Variants in SLC39A11 observed in about 807,000 individuals in gnomAD.
The protein encoded by SLC39A11 is solute carrier family 39 member 11.
In SLC39A11, 33 loss-of-function variants were observed where a neutral mutation model predicts 36.1. The ratio of observed to expected loss-of-function variants is 0.91; its 90% CI spans 0.69 to 1.22. The LOEUF (loss-of-function observed/expected upper bound fraction) is 1.22, where lower values mean the gene tolerates loss of function less well. Among genes scored for constraint, SLC39A11 ranks in the 50% most tolerant of loss-of-function variants. The probability of loss-of-function intolerance (pLI) is 0.00; values close to 1 mark genes in which losing one functional copy is unlikely to be tolerated. For missense variants in SLC39A11, 432 were observed against 430.3 expected (o/e 1.00, Z -0.03); for synonymous variants, 166 against 170.3 (o/e 0.97, Z 0.20).
chr17:73,009,729 C>T (rs1028944479), intron 4 of SLC39A11, among the ~76,000 whole-genome samples: 1 of 152,116 alleles, frequency 6.6e-6, no homozygotes, highest in African/African-American at 2.4e-5. Flanking sequence ...TGAATTTCAT[C>T]TCAATACAAC....
chr17:72,710,122 G>A (rs950155250), intron 7 of SLC39A11, among the ~76,000 whole-genome samples: 1 of 152,080 alleles, frequency 6.6e-6, no homozygotes, highest in African/African-American at 2.4e-5. Context: ...TGCTTACAGG[G>A]AGAATATATC....
At chr17:72,952,463 G>A (rs550299039) in intron 4 of SLC39A11, among the ~76,000 whole-genome samples, 268 of 152,180 alleles carry the variant, frequency 1.8e-3, no homozygotes, top group Admixed American at 5.0e-3. Flanking sequence ...GACATGCCCC[G>A]CATATCCCCC....
intron 6 of SLC39A11, among the ~76,000 whole-genome samples, chr17:72,761,524 C>T (rs888617506): frequency 1.3e-5 from 2 of 152,148 alleles, no homozygotes; most frequent in Non-Finnish European, 2.9e-5. Context: ...TGAGAACTTG[C>T]TATTTTTTAG....
chr17:72,992,173 G>A (rs1033859257), intron 4 of SLC39A11, among the ~76,000 whole-genome samples: 21 of 152,066 alleles, frequency 1.4e-4, no homozygotes, highest in African/African-American at 4.1e-4. Flanking sequence ...CCAACATAGT[G>A]AAACCCCATC....
chr17:72,861,686 T>TATAA (rs1304206334), intron 5 of SLC39A11, among the ~76,000 whole-genome samples: 3 of 112,618 alleles, frequency 2.7e-5, no homozygotes, highest in African/African-American at 9.9e-5. Context: ...TATATATATA[T>TATAA]ATAAAATATA....
chr17:72,666,944 C>A (rs1414980507), intron 7 of SLC39A11, among the ~76,000 whole-genome samples: 1 of 152,108 alleles, frequency 6.6e-6, no homozygotes, highest in South Asian at 2.1e-4. Context: ...GCAGGGAGAG[C>A]GAGAGGCATG....
At chr17:73,026,173 G>GAA (rs1366077387) in intron 4 of SLC39A11, among the ~76,000 whole-genome samples, 206 of 109,732 alleles carry the variant, frequency 1.9e-3, no homozygotes, top group African/African-American at 6.5e-3. Context: ...GAAGAGAGGA[G>GAA]AGGAGAAAGA....
At chr17:72,818,347 T>G (rs2077652857) in intron 6 of SLC39A11, among the ~76,000 whole-genome samples, 1 of 152,176 alleles carries the variant, frequency 6.6e-6, no homozygotes, top group African/African-American at 2.4e-5. Context: ...ATCTTGTAGC[T>G]CCTTGGACAC....
chr17:72,906,686 G>A (rs2082672272), intron 5 of SLC39A11, among the ~76,000 whole-genome samples: 1 of 152,180 alleles, frequency 6.6e-6, no homozygotes, highest in South Asian at 2.1e-4. Flanking sequence ...GGACAAATCA[G>A]CATAACATCC....
At chr17:73,048,341 T>C (rs1168711126) in intron 3 of SLC39A11, among the ~76,000 whole-genome samples, 2 of 152,166 alleles carry the variant, frequency 1.3e-5, no homozygotes, top group Non-Finnish European at 2.9e-5. Context: ...TCCAGCTCCA[T>C]CCATGTTGCT....
At chr17:72,821,503 C>A (rs2077778274) in intron 6 of SLC39A11, 1 of 42,066 alleles carries the variant, frequency 2.4e-5, no homozygotes, top group Non-Finnish European at 4.1e-5. Flanking sequence ...GAGACTCTGT[C>A]ACGAAAAAAA....
At chr17:73,015,489 A>T (rs978939144) in intron 4 of SLC39A11, among the ~76,000 whole-genome samples, 1 of 152,186 alleles carries the variant, frequency 6.6e-6, no homozygotes, top group Admixed American at 6.5e-5. Context: ...GAGTATTTCA[A>T]TGTACCCTGT....
At chr17:72,655,517 C>G (rs964788257) in intron 7 of SLC39A11, among the ~76,000 whole-genome samples, 1 of 152,186 alleles carries the variant, frequency 6.6e-6, no homozygotes, top group African/African-American at 2.4e-5. Flanking sequence ...TAAGAGTGTG[C>G]GAGGGCGTTG....
At chr17:72,658,793 A>G (rs1371080173) in intron 7 of SLC39A11, among the ~76,000 whole-genome samples, 1 of 151,286 alleles carries the variant, frequency 6.6e-6, no homozygotes, top group Non-Finnish European at 1.5e-5. Context: ...TGGGCATAAA[A>G]CTCCCCCACC....
intron 7 of SLC39A11, among the ~76,000 whole-genome samples, chr17:72,695,153 C>A (rs2072233389): frequency 6.6e-6 from 1 of 152,148 alleles, no homozygotes; most frequent in Non-Finnish European, 1.5e-5. Flanking sequence ...TTACTCTGAC[C>A]TCATCTCCCA....
chr17:73,048,161 G>A (rs1286315907), intron 3 of SLC39A11, among the ~76,000 whole-genome samples: 3 of 151,486 alleles, frequency 2.0e-5, no homozygotes, highest in Admixed American at 6.6e-5. Context: ...GCACCCAATA[G>A]TACTTTTCCA....
At chr17:72,732,143 A>G (rs1170566997) in intron 7 of SLC39A11, among the ~76,000 whole-genome samples, 2 of 137,042 alleles carry the variant, frequency 1.5e-5, no homozygotes, top group African/African-American at 5.6e-5. Flanking sequence ...CAGCCTCCCA[A>G]GTAGCTGGGA....
chr17:72,947,465 CCAT>C, intron 5 of SLC39A11: 1 of 468,458 alleles, frequency 2.1e-6, no homozygotes, highest in Non-Finnish European at 3.9e-6. Context: ...AGCCCCATCA[CCAT>C]CAGAGTGACC....
In SLC39A11 at chr17:72,661,279, G is replaced by A. The variant is rs112588403; in HGVS notation, c.672-12011C>T. Among the ~76,000 whole-genome samples the A allele has an allele frequency of 4.6e-3, 697 of 152,292 alleles. 10 individuals are homozygous for A. The highest frequency in any genetic ancestry group is 0.015 in the African/African-American group (638 of 41,552). On this transcript the variant is annotated intron_variant, in intron 7 of 9. Transcript: ENST00000255559. ...TGCAGTGGGACACTCCTGCTTGAGC[G>A]CAGATTGCTGCTCAGCCTGGGGTGT...
Sources: allele counts gnomAD v4.1 joint callset (sites outside exome capture counted in the v4.1 genomes callset), GRCh38; gene constraint gnomAD v4.1.1; transcripts MANE v1.5; gene names NCBI Gene and HGNC (gene_info 2026-07-23, HGNC 2026-07-21).